Variants in TTC28 observed in about 807,000 individuals in gnomAD.
TTC28 encodes the protein tetratricopeptide repeat protein 28.
A neutral mutation model predicts 198.0 loss-of-function variants in TTC28; 61 were observed. The observed-to-expected ratio is 0.31, with a 90% CI of 0.25 to 0.38. The LOEUF (loss-of-function observed/expected upper bound fraction) is 0.38. TTC28 is among the 10% of genes least tolerant of loss of function. TTC28 has a pLI of 1.00. For missense variants in TTC28, 2,678 were observed against 3,164.0 expected (o/e 0.85, Z 3.69); for synonymous variants, 1,171 against 1,297.8 (o/e 0.90, Z 2.10).
chr22:28,265,830 A>T (rs1297580795), intron 5 of TTC28, among the ~76,000 whole-genome samples: 1 of 152,152 alleles, frequency 6.6e-6, no homozygotes, highest in East Asian at 1.9e-4. Flanking sequence ...TTCCTTCAAC[A>T]ACACCCAGAT....
At chr22:28,516,347 A>C (rs1017639422) in intron 2 of TTC28, among the ~76,000 whole-genome samples, 1 of 152,208 alleles carries the variant, frequency 6.6e-6, no homozygotes, top group Non-Finnish European at 1.5e-5. Context: ...GTAAAACACA[A>C]GAATAATTCT....
At chr22:28,559,707 T>C (rs1052266355) in intron 2 of TTC28, among the ~76,000 whole-genome samples, 3 of 152,340 alleles carry the variant, frequency 2.0e-5, no homozygotes, top group African/African-American at 7.2e-5. Flanking sequence ...GCTTCTAGGA[T>C]ATCACGTTCT....
chr22:28,199,530 C>CATACATATATAT (rs1925721073), intron 5 of TTC28, among the ~76,000 whole-genome samples: 1 of 138,960 alleles, frequency 7.2e-6, no homozygotes, highest in Non-Finnish European at 1.5e-5. Flanking sequence ...AATACCTATA[C>CATACATATATAT]ATATATATAT....
At chr22:28,042,791 A>C (rs1201118252) in intron 12 of TTC28, among the ~76,000 whole-genome samples, 1 of 152,056 alleles carries the variant, frequency 6.6e-6, no homozygotes, top group Admixed American at 6.6e-5. Flanking sequence ...GAGACATCCT[A>C]CTCTATGGGC....
intron 1 of TTC28, among the ~76,000 whole-genome samples, chr22:28,651,295 A>C (rs1354587177): frequency 7.2e-6 from 1 of 138,266 alleles, no homozygotes; most frequent in Non-Finnish European, 1.6e-5. Context: ...CACTGCACCC[A>C]GTCACTCTGT....
intron 12 of TTC28, among the ~76,000 whole-genome samples, chr22:28,051,035 G>A (rs894308321): frequency 7.9e-5 from 12 of 152,118 alleles, no homozygotes; most frequent in African/African-American, 2.9e-4. Flanking sequence ...AGTCTATTTG[G>A]TCTCGATAAG....
chr22:28,161,147 A>G (rs1288727945), intron 6 of TTC28, among the ~76,000 whole-genome samples: 1 of 152,246 alleles, frequency 6.6e-6, no homozygotes, highest in Non-Finnish European at 1.5e-5. Flanking sequence ...TAAAAACCCA[A>G]TAAAAGTGAA....
chr22:28,619,935 A>G (rs2050966044), intron 2 of TTC28, among the ~76,000 whole-genome samples: 1 of 152,248 alleles, frequency 6.6e-6, no homozygotes, highest in African/African-American at 2.4e-5. Flanking sequence ...TTATTTTAAG[A>G]AGAGACAAGA....
At position 28,163,361 on chromosome 22, in the gene TTC28, C is replaced by T. The variant is rs1440618405; in HGVS notation, c.1172G>A (p.Arg391Gln). The change falls in exon 6 of 23, where the codon CGA becomes CAA. Residue 391 changes from arginine (R) to glutamine (Q), a missense_variant. Arg to Gln is a conservative substitution (Grantham distance 43). Transcript: ENST00000397906. ...LKIAKDLGNK[R>Q]EEARAYSNLG... ...GTTGCTATAAGCCCGGGCCTCTTCT[C>T]GCTTGTTCCCCAGGTCCTTGGCTAT... The T allele has an allele frequency of 1.5e-5, 24 of 1,551,962 alleles. No homozygotes were observed. The highest frequency in any genetic ancestry group is 5.9e-5 in the South Asian group (5 of 84,066).
chr22:28,153,609 G>C (rs1210063314), intron 6 of TTC28, among the ~76,000 whole-genome samples: 1 of 151,818 alleles, frequency 6.6e-6, no homozygotes, highest in African/African-American at 2.4e-5. Context: ...GCTCTATGGG[G>C]GTAGGAGATA....
intron 5 of TTC28, among the ~76,000 whole-genome samples, chr22:28,251,404 T>G (rs1471614783): frequency 6.6e-6 from 1 of 152,214 alleles, no homozygotes; most frequent in East Asian, 1.9e-4. Flanking sequence ...CAAAGTTGGT[T>G]AGTTGTGTCC....
chr22:28,118,207 T>G (rs1463321507), intron 6 of TTC28, among the ~76,000 whole-genome samples: 1 of 152,108 alleles, frequency 6.6e-6, no homozygotes, highest in Non-Finnish European at 1.5e-5. Context: ...GAGACCAACC[T>G]GGCCAACATG....
At chr22:28,514,680 C>T (rs762361702) in intron 2 of TTC28, among the ~76,000 whole-genome samples, 2 of 152,206 alleles carry the variant, frequency 1.3e-5, no homozygotes, top group Non-Finnish European at 2.9e-5. Context: ...AACACTTACA[C>T]ATGCCTGTGC....
chr22:28,656,963 C>T (rs9625524), intron 1 of TTC28, among the ~76,000 whole-genome samples: 20,733 of 151,928 alleles, frequency 0.14, 1,658 homozygotes, highest in African/African-American at 0.2. Context: ...ACTTCATGCC[C>T]AGAACTGTTT....
At position 27,996,176 on chromosome 22, in the gene TTC28, G is replaced by C. The variant is rs946536815; in HGVS notation, c.5203C>G (p.Pro1735Ala). The C allele has an allele frequency of 4.5e-6, 7 of 1,551,000 alleles. No homozygotes were observed. The highest frequency in any genetic ancestry group is 1.4e-5 in the African/African-American group (1 of 73,072). ...CGCAGGGCGTCCCGCGCACGCTCCG[G>C]GTGCTGCAGGATCTCTGTGAGGGCC... ...GQALTEILQHPERARDALRVL... is the reference protein window; with the variant it reads ...GQALTEILQHAERARDALRVL... The change falls in exon 17 of 23, where the codon CCG becomes GCG. Residue 1735 changes from proline to alanine, a missense_variant. By Grantham distance (27) the Pro-to-Ala change is conservative. Around this residue, in one of 8 missense-constraint regions of TTC28, gnomAD observed 314 missense variants for 442.7 expected, o/e 0.71. Coordinates refer to ENST00000397906, the MANE Select transcript of TTC28 (RefSeq NM_001145418.2).
chr22:28,167,240 A>T (rs149055659), intron 5 of TTC28, among the ~76,000 whole-genome samples: 12 of 152,218 alleles, frequency 7.9e-5, no homozygotes, highest in African/African-American at 2.9e-4. Flanking sequence ...ATTCTACCAG[A>T]GGTATAAGGA....
intron 12 of TTC28, among the ~76,000 whole-genome samples, chr22:28,053,092 T>C (rs1940147894): frequency 6.6e-6 from 1 of 152,246 alleles, no homozygotes; most frequent in Non-Finnish European, 1.5e-5. Context: ...CTAGAGAACC[T>C]GTCTACATAG....
chr22:28,588,067 G>A (rs1308534965), intron 2 of TTC28, among the ~76,000 whole-genome samples: 2 of 151,678 alleles, frequency 1.3e-5, no homozygotes, highest in East Asian at 1.9e-4. Context: ...GCGTGAACCC[G>A]GGAGGCAGAG....
chr22:27,985,475 C>T (rs1183882976), intron 21 of TTC28, 119 bp from the exon 22 acceptor site: 34 of 780,184 alleles, frequency 4.4e-5, no homozygotes, highest in Non-Finnish European at 4.9e-5. Flanking sequence ...CTTCAGCAAG[C>T]ATTTGGGCCT....
Sources: gnomAD v4.1 joint callset for allele counts (sites outside exome capture counted in the v4.1 genomes callset) on GRCh38, gnomAD v4.1.1 for gene constraint, gnomAD v4.1.1 regional missense constraint, MANE v1.5 for transcripts, NCBI Gene and HGNC (gene_info 2026-07-23, HGNC 2026-07-21) for gene names.